PCDH9: variants seen among roughly 807,000 people sequenced by gnomAD.
PCDH9 encodes the protein protocadherin 9, also known as protocadherin-9.
In PCDH9, 24 loss-of-function variants were observed where a neutral mutation model predicts 70.6. The observed-to-expected ratio is 0.34, with a 90% CI of 0.25 to 0.48. PCDH9 has a LOEUF of 0.48. Ranked by LOEUF, PCDH9 falls within the 20% of genes least tolerant of loss-of-function variation. The pLI is 0.99. For missense variants in PCDH9, 1,281 were observed against 1,503.6 expected, an observed-to-expected ratio of 0.85 and a Z score of 2.45; for synonymous variants, 562 against 558.5, an observed-to-expected ratio of 1.01 and a Z score of -0.09.
chr13:66,770,524 C>T (rs147937328), intron 3 of PCDH9, among the ~76,000 whole-genome samples: 6 of 152,280 alleles, frequency 3.9e-5, no homozygotes, highest in African/African-American at 1.4e-4. Context: ...AGTAGGCTAA[C>T]CTTTTTAGAC....
intron 3 of PCDH9, among the ~76,000 whole-genome samples, chr13:66,672,032 T>G (rs919255104): frequency 1.3e-5 from 2 of 151,942 alleles, no homozygotes; most frequent in African/African-American, 4.8e-5. Context: ...CCTGGAGGTA[T>G]GGGAGGAAAA....
intron 2 of PCDH9, among the ~76,000 whole-genome samples, chr13:67,191,351 C>G (rs1195733659): frequency 6.6e-6 from 1 of 151,744 alleles, no homozygotes; most frequent in Admixed American, 6.6e-5. Flanking sequence ...TTTGTTGATC[C>G]CAGGTACTAA....
At chr13:66,802,067 C>T (rs1470288410) in intron 3 of PCDH9, among the ~76,000 whole-genome samples, 3 of 151,164 alleles carry the variant, frequency 2.0e-5, no homozygotes, top group Admixed American at 2.0e-4. Context: ...GGAAATATAA[C>T]TAAATGGCAA....
At chr13:66,616,464 C>A (rs912170664) in intron 4 of PCDH9, among the ~76,000 whole-genome samples, 1 of 139,008 alleles carries the variant, frequency 7.2e-6, no homozygotes, top group Non-Finnish European at 1.5e-5. Flanking sequence ...ATCATACATT[C>A]GTCATTAAAT....
At chr13:67,166,799 C>T (rs1207616981) in intron 2 of PCDH9, among the ~76,000 whole-genome samples, 1 of 152,104 alleles carries the variant, frequency 6.6e-6, no homozygotes, top group Middle Eastern at 3.2e-3. Context: ...TGGCTACGGG[C>T]ATTGTACCTG....
intron 2 of PCDH9, among the ~76,000 whole-genome samples, chr13:67,165,471 C>T (rs748151518): frequency 4.0e-5 from 6 of 151,732 alleles, no homozygotes; most frequent in Admixed American, 2.0e-4. Flanking sequence ...TAAAATATTC[C>T]AATACTTACC....
chr13:66,999,241 G>A (rs1352996664), intron 2 of PCDH9, among the ~76,000 whole-genome samples: 1 of 152,104 alleles, frequency 6.6e-6, no homozygotes, highest in African/African-American at 2.4e-5. Flanking sequence ...AATACAGCCT[G>A]AAATGTCAGG....
intron 4 of PCDH9, among the ~76,000 whole-genome samples, chr13:66,356,961 C>T (rs1332742206): frequency 6.6e-6 from 1 of 151,950 alleles, no homozygotes; most frequent in Non-Finnish European, 1.5e-5. Context: ...AAAAGCAAGC[C>T]CGGCAATGCA....
At chr13:66,394,411 G>T (rs950913852) in intron 4 of PCDH9, among the ~76,000 whole-genome samples, 2 of 152,098 alleles carry the variant, frequency 1.3e-5, no homozygotes, top group South Asian at 2.1e-4. Context: ...GAGTGGAAAA[G>T]AAAAGAAAAT....
chr13:66,650,825 T>C (rs1472743488), intron 3 of PCDH9, among the ~76,000 whole-genome samples: 1 of 152,020 alleles, frequency 6.6e-6, no homozygotes, highest in East Asian at 1.9e-4. Flanking sequence ...ATTGAAATTA[T>C]ATCAAGTATC....
chr13:66,741,903 A>G (rs2079269681), intron 3 of PCDH9, among the ~76,000 whole-genome samples: 1 of 149,138 alleles, frequency 6.7e-6, no homozygotes, highest in East Asian at 2.0e-4. Context: ...ATATCGTGAA[A>G]ACGGCCATAC....
chr13:67,014,629 A>G lies in PCDH9; in HGVS notation c.3037-111024T>C, dbSNP rs537496562. ...ATTCTGCCCTGTCCCACACACACAT[A>G]GCCAATCCTTCAGCAGGTGACCTAT... On this transcript the variant is annotated intron_variant, in intron 2 of 4. Coordinates refer to ENST00000377865, the MANE Select transcript of PCDH9 (RefSeq NM_203487.3). 4.1e-3 allele frequency among the ~76,000 whole-genome samples: 537 copies of G among 131,100 alleles called. 1 individual carries two copies. Among genetic ancestry groups the G allele is most frequent in the African/African-American group, 0.013 (505 of 37,994 alleles). The allele number at this position is 131,100 out of a possible 152,430, so 86.0% of individuals were successfully genotyped here.
intron 2 of PCDH9, among the ~76,000 whole-genome samples, chr13:67,135,428 C>T (rs1177009378): frequency 6.6e-6 from 1 of 152,044 alleles, no homozygotes; most frequent in Non-Finnish European, 1.5e-5. Context: ...ATTTTTACCC[C>T]ATAGATCTCA....
At chr13:67,008,310 G>A (rs1470406643) in intron 2 of PCDH9, among the ~76,000 whole-genome samples, 1 of 152,104 alleles carries the variant, frequency 6.6e-6, no homozygotes, top group Non-Finnish European at 1.5e-5. Context: ...GAAAAGAACT[G>A]TATCACATTT....
rs1368693371 is a variant in PCDH9, at chr13:66,849,507, TATATATATATAGAG to T, written c.3138+53983_3138+53996del. Among the ~76,000 whole-genome samples, 9 of 90,020 alleles carry T rather than the reference TATATATATATAGAG, an allele frequency of 1.0e-4. No homozygotes were observed. In the South Asian group the frequency reaches 2.7e-3, roughly 27 times the overall value. 59.1% of individuals were successfully genotyped at this position (90,020 alleles called of 152,430 possible). On this transcript the variant is annotated intron_variant, in intron 3 of 4. Transcript: ENST00000377865. ...GTAGGTATATATATATATATATATA[TATATATATATAGAG>T]AGAGAGAGAGAGAGAGAGAGAGAGA...
chr13:66,519,889 T>C (rs1403364305), intron 4 of PCDH9, among the ~76,000 whole-genome samples: 1 of 151,356 alleles, frequency 6.6e-6, no homozygotes, highest in African/African-American at 2.4e-5. Context: ...GGCAGTCCTA[T>C]TAAAACAGAA....
At chr13:66,570,396 C>T (rs1593699571) in intron 4 of PCDH9, among the ~76,000 whole-genome samples, 1 of 152,086 alleles carries the variant, frequency 6.6e-6, no homozygotes, top group Non-Finnish European at 1.5e-5. Flanking sequence ...TTGTGTAAAA[C>T]TAAATATAAC....
intron 4 of PCDH9, among the ~76,000 whole-genome samples, chr13:66,440,825 C>A (rs1047923578): frequency 2.0e-5 from 3 of 151,726 alleles, no homozygotes; most frequent in Non-Finnish European, 4.4e-5. Context: ...CTTTTTTCTT[C>A]TAGTTTTTCT....
At chr13:66,847,171 C>T (rs12875687) in intron 3 of PCDH9, among the ~76,000 whole-genome samples, 47,018 of 151,996 alleles carry the variant, frequency 0.31, 7,790 homozygotes, top group Non-Finnish European at 0.37. Flanking sequence ...GATTTAAAAT[C>T]ATTTTCATAC....
Sources: gnomAD v4.1 joint callset for allele counts (sites outside exome capture counted in the v4.1 genomes callset) on GRCh38, gnomAD v4.1.1 for gene constraint, MANE v1.5 for transcripts, NCBI Gene and HGNC (gene_info 2026-07-23, HGNC 2026-07-21) for gene names.